Variants in CDIN1 observed in about 807,000 individuals in gnomAD.
CDIN1 encodes CDAN1 interacting nuclease 1.
A neutral mutation model predicts 45.3 loss-of-function variants in CDIN1; 33 were observed. The observed-to-expected ratio is 0.73, with a 90% CI of 0.55 to 0.97. CDIN1 has a LOEUF of 0.97. Among genes scored for constraint, CDIN1 ranks in the 50% least tolerant of loss-of-function variants. CDIN1 has a pLI of 0.00. For missense variants in CDIN1, 303 were observed against 339.4 expected (o/e 0.89, Z 0.84); for synonymous variants, 118 against 124.4 (o/e 0.95, Z 0.34).
At chr15:36,633,972 G>T (rs111330846) in intron 1 of CDIN1, among the ~76,000 whole-genome samples, 1 of 151,678 alleles carries the variant, frequency 6.6e-6, no homozygotes, top group African/African-American at 2.4e-5. Flanking sequence ...GGCTGGTCTC[G>T]AACTCTGGGC....
At chr15:36,777,584 G>A (rs1368791588) in intron 10 of CDIN1, among the ~76,000 whole-genome samples, 1 of 152,128 alleles carries the variant, frequency 6.6e-6, no homozygotes, top group Admixed American at 6.5e-5. Context: ...ACCAGACTCT[G>A]TTTTAGACAT....
chr15:36,594,156 T>A (rs561760529), intron 1 of CDIN1, among the ~76,000 whole-genome samples: 1 of 152,310 alleles, frequency 6.6e-6, no homozygotes, highest in South Asian at 2.1e-4. Context: ...AGAGCCTATC[T>A]TCCTCTAGGT....
chr15:36,763,608 G>T (rs8025988), intron 10 of CDIN1, among the ~76,000 whole-genome samples: 8 of 151,896 alleles, frequency 5.3e-5, no homozygotes, highest in Admixed American at 1.3e-4. Flanking sequence ...ACTGTACCCC[G>T]CCATGTTGTG....
At chr15:36,639,155 T>C (rs2040010097) in intron 1 of CDIN1, among the ~76,000 whole-genome samples, 1 of 152,210 alleles carries the variant, frequency 6.6e-6, no homozygotes, top group Non-Finnish European at 1.5e-5. Context: ...CAAAAGTAGT[T>C]GAAAGCCTGG....
intron 4 of CDIN1, among the ~76,000 whole-genome samples, chr15:36,654,401 G>T (rs1282071479): frequency 6.7e-6 from 1 of 149,514 alleles, no homozygotes; most frequent in Non-Finnish European, 1.5e-5. Flanking sequence ...CAGCCTCTTG[G>T]TTTCTTATTT....
At chr15:36,618,248 C>A in intron 1 of CDIN1, 1 of 668,558 alleles carries the variant, frequency 1.5e-6, no homozygotes, top group South Asian at 1.8e-5. Context: ...TCAGAACACT[C>A]AACAGAGGAC....
chr15:36,624,900 A>G (rs1225847886), intron 1 of CDIN1, among the ~76,000 whole-genome samples: 1 of 152,130 alleles, frequency 6.6e-6, no homozygotes, highest in Non-Finnish European at 1.5e-5. Flanking sequence ...GGTTTCTGTG[A>G]CCTATTAAAT....
intron 1 of CDIN1, among the ~76,000 whole-genome samples, chr15:36,601,473 A>G (rs758600784): frequency 5.9e-5 from 9 of 152,196 alleles, no homozygotes; most frequent in Non-Finnish European, 1.3e-4. Context: ...AAAACGACCT[A>G]CTGAGGTGAT....
intron 10 of CDIN1, among the ~76,000 whole-genome samples, chr15:36,798,413 C>T (rs2054893332): frequency 6.6e-6 from 1 of 152,108 alleles, no homozygotes; most frequent in Non-Finnish European, 1.5e-5. Flanking sequence ...ACTAGGTTGG[C>T]TAGCCAAAGA....
chr15:36,591,928 C>T (rs763481984), intron 1 of CDIN1: 2 of 152,194 alleles, frequency 1.3e-5, no homozygotes, highest in African/African-American at 2.4e-5. Context: ...ATGAATGAAG[C>T]TGACCTGGTT....
chr15:36,658,004 C>A, intron 5 of CDIN1, 99 bp downstream of exon 5: 1 of 953,878 alleles, frequency 1.0e-6, no homozygotes, highest in South Asian at 1.5e-5. Flanking sequence ...GAGCCAGATT[C>A]CAAAACAGCT....
At position 36,697,430 on chromosome 15, in the gene CDIN1, C is replaced by T. The variant is rs779819437; in HGVS notation, c.544+40C>T. On this transcript the variant is annotated intron_variant, in intron 8 of 10. Coordinates refer to ENST00000566621, the MANE Select transcript of CDIN1 (RefSeq NM_001321759.2). ...CATCTTCTCTAGCTTGTGTTGTCTC[C>T]CTGAGTGCTTAAATATATATTTTAA... The T allele has an allele frequency of 2.0e-6, 3 of 1,464,672 alleles. No homozygotes were observed. In the African/African-American group the frequency reaches 4.3e-5, roughly 21 times the overall value. The allele number at this position is 1,464,672 out of a possible 1,614,324, so 90.7% of individuals were successfully genotyped here. A position where few individuals can be genotyped will look rare whatever the true frequency, so the allele number is the denominator to read the frequency against.
intron 1 of CDIN1, among the ~76,000 whole-genome samples, chr15:36,623,676 A>T (rs1030874522): frequency 2.0e-5 from 3 of 152,246 alleles, no homozygotes; most frequent in African/African-American, 7.2e-5. Context: ...GTTTTTGGTT[A>T]TAAGGCCTCT....
chr15:36,795,801 C>T (rs960444685), intron 10 of CDIN1, among the ~76,000 whole-genome samples: 1 of 152,064 alleles, frequency 6.6e-6, no homozygotes, highest in African/African-American at 2.4e-5. Flanking sequence ...CTCCTGGGCC[C>T]AAGCAATCTT....
At chr15:36,668,716 C>T (rs1187827808) in intron 5 of CDIN1, among the ~76,000 whole-genome samples, 1 of 152,090 alleles carries the variant, frequency 6.6e-6, no homozygotes, top group Admixed American at 6.6e-5. Flanking sequence ...CTAAATCTCA[C>T]CTATTATCAT....
intron 1 of CDIN1, among the ~76,000 whole-genome samples, chr15:36,597,306 T>C (rs1338241690): frequency 6.6e-6 from 1 of 152,170 alleles, no homozygotes; most frequent in African/African-American, 2.4e-5. Context: ...CAGCAAGAAT[T>C]TGCAATGCTC....
intron 1 of CDIN1, among the ~76,000 whole-genome samples, chr15:36,595,224 A>G (rs1329058647): frequency 1.3e-5 from 2 of 150,992 alleles, no homozygotes; most frequent in Non-Finnish European, 3.0e-5. Context: ...TGAAAGGCTT[A>G]GATGATTTAC....
At chr15:36,606,468 A>G (rs1377185845) in intron 1 of CDIN1, among the ~76,000 whole-genome samples, 2 of 152,220 alleles carry the variant, frequency 1.3e-5, no homozygotes, top group South Asian at 2.1e-4. Context: ...AGGTGTACCC[A>G]TAAAGAGATG....
chr15:36,583,037 G>A (rs1265785494), intron 1 of CDIN1, among the ~76,000 whole-genome samples: 1 of 152,034 alleles, frequency 6.6e-6, no homozygotes, highest in Non-Finnish European at 1.5e-5. Context: ...ATCTGCATAT[G>A]TTCAGGATGC....
Sources: gnomAD v4.1 joint callset for allele counts (sites outside exome capture counted in the v4.1 genomes callset) on GRCh38, gnomAD v4.1.1 for gene constraint, MANE v1.5 for transcripts, NCBI Gene and HGNC (gene_info 2026-07-23, HGNC 2026-07-21) for gene names.